KCNIP4: variants seen among roughly 807,000 people sequenced by gnomAD.
The protein encoded by KCNIP4 is potassium voltage-gated channel interacting protein 4, also known as Kv channel-interacting protein 4.
Under a neutral mutation model 34.0 loss-of-function variants are expected in KCNIP4, and 12 were observed. The observed-to-expected ratio is 0.35, with a 90% CI of 0.23 to 0.57. KCNIP4 has a LOEUF of 0.57. Ranked by LOEUF, KCNIP4 falls within the 20% of genes least tolerant of loss-of-function variation. KCNIP4 has a pLI of 0.83. For missense variants in KCNIP4, 238 were observed against 311.7 expected (o/e 0.76, Z 1.78); for synonymous variants, 124 against 102.2 (o/e 1.21, Z -1.29).
chr4:20,841,848 G>A (rs937855083), intron 3 of KCNIP4, among the ~76,000 whole-genome samples: 11 of 152,166 alleles, frequency 7.2e-5, no homozygotes, highest in Admixed American at 7.2e-4. Context: ...CCAGGTTCCA[G>A]CCACTCTTGC....
At chr4:21,681,280 T>C (rs1431806207) in intron 1 of KCNIP4, among the ~76,000 whole-genome samples, 1 of 151,978 alleles carries the variant, frequency 6.6e-6, no homozygotes, top group African/African-American at 2.4e-5. Flanking sequence ...TTAATTTTTT[T>C]TTTTTTTTTA....
intron 1 of KCNIP4, among the ~76,000 whole-genome samples, chr4:21,427,271 T>A (rs1726016094): frequency 6.6e-6 from 1 of 151,938 alleles, no homozygotes; most frequent in African/African-American, 2.4e-5. Flanking sequence ...ATTGAGCATC[T>A]ACTATGAGCC....
intron 1 of KCNIP4, among the ~76,000 whole-genome samples, chr4:21,790,529 T>C (rs901566314): frequency 1.1e-4 from 17 of 152,126 alleles, no homozygotes; most frequent in African/African-American, 3.6e-4. Context: ...CAACTTTAAA[T>C]TTTTTAAAAA....
intron 1 of KCNIP4, among the ~76,000 whole-genome samples, chr4:21,665,718 T>C (rs960408477): frequency 1.3e-5 from 2 of 152,166 alleles, no homozygotes; most frequent in Non-Finnish European, 2.9e-5. Flanking sequence ...ATGAACAAGA[T>C]AGCATATCAT....
intron 1 of KCNIP4, among the ~76,000 whole-genome samples, chr4:21,606,110 G>T (rs1387398445): frequency 6.6e-6 from 1 of 152,152 alleles, no homozygotes; most frequent in Admixed American, 6.5e-5. Context: ...GCCAGAGAAA[G>T]AATTATATTA....
At chr4:21,814,293 C>CA (rs1721838941) in intron 1 of KCNIP4, among the ~76,000 whole-genome samples, 1 of 152,118 alleles carries the variant, frequency 6.6e-6, no homozygotes, top group Admixed American at 6.6e-5. Flanking sequence ...GCTGTGTCCC[C>CA]ACCCAAATCT....
intron 1 of KCNIP4, among the ~76,000 whole-genome samples, chr4:21,279,866 T>A (rs1578011530): frequency 6.6e-6 from 1 of 152,250 alleles, no homozygotes; most frequent in East Asian, 1.9e-4. Context: ...AGCTTAAAAT[T>A]TTTTTCCATG....
chr4:21,377,371 T>A (rs138409114), intron 1 of KCNIP4, among the ~76,000 whole-genome samples: 4 of 152,266 alleles, frequency 2.6e-5, no homozygotes, highest in Admixed American at 1.3e-4. Context: ...CAAGTCCAGC[T>A]AAGACAAATA....
chr4:21,487,248 G>T (rs358580), intron 1 of KCNIP4, among the ~76,000 whole-genome samples: 72,707 of 151,850 alleles, frequency 0.48, 20,116 homozygotes, highest in African/African-American at 0.76. Context: ...TGTTTTTTGA[G>T]ACCTCATTCG....
chr4:21,191,153 T>G (rs1406925538), intron 1 of KCNIP4, among the ~76,000 whole-genome samples: 1 of 152,210 alleles, frequency 6.6e-6, no homozygotes, highest in Non-Finnish European at 1.5e-5. Flanking sequence ...CACAGAGATA[T>G]TCTCAACAAA....
chr4:21,613,224 C>T (rs1456754426), intron 1 of KCNIP4: 1 of 152,180 alleles, frequency 6.6e-6, no homozygotes, highest in African/African-American at 2.4e-5. Flanking sequence ...TTCAATAGGG[C>T]TGATATGTGT....
At chr4:21,466,283 G>A (rs12501878) in intron 1 of KCNIP4, among the ~76,000 whole-genome samples, 40,779 of 151,864 alleles carry the variant, frequency 0.27, 5,937 homozygotes, top group African/African-American at 0.37. Flanking sequence ...AGTATGCTGT[G>A]GATACATCTG....
At chr4:20,917,051 A>ATATATATATATAT (rs1728921577) in intron 1 of KCNIP4, among the ~76,000 whole-genome samples, 1 of 107,330 alleles carries the variant, frequency 9.3e-6, no homozygotes, top group Non-Finnish European at 1.8e-5. Flanking sequence ...ATATATATAT[A>ATATATATATATAT]AAATTGAGAT....
At chr4:21,739,506 G>C (rs1474200529) in intron 1 of KCNIP4, among the ~76,000 whole-genome samples, 1 of 151,860 alleles carries the variant, frequency 6.6e-6, no homozygotes, top group Non-Finnish European at 1.5e-5. Flanking sequence ...AAAATCTTGA[G>C]AAAATGACGT....
At chr4:21,147,830 T>C (rs1021502627) in intron 1 of KCNIP4, among the ~76,000 whole-genome samples, 1 of 149,964 alleles carries the variant, frequency 6.7e-6, no homozygotes, top group Admixed American at 6.7e-5. Flanking sequence ...TCCCAGCTAC[T>C]TGGGAGGCTG....
chr4:21,353,266 G>A (rs1159367056), intron 1 of KCNIP4, among the ~76,000 whole-genome samples: 1 of 152,134 alleles, frequency 6.6e-6, no homozygotes, highest in East Asian at 1.9e-4. Flanking sequence ...CTCCTCACCT[G>A]TAATGGAACA....
chr4:20,915,805 T>G (rs1728755145), intron 1 of KCNIP4, among the ~76,000 whole-genome samples: 1 of 152,182 alleles, frequency 6.6e-6, no homozygotes, highest in Non-Finnish European at 1.5e-5. Context: ...TCACTCTAAT[T>G]TTATCTTCTT....
In KCNIP4 at chr4:21,859,800, G is replaced by A. The variant is rs553291431; in HGVS notation, c.61+88771C>T. ...TCCCAGCACTTTGGGAAGCTGAGGT[G>A]AGAAGATCGCTTGAGCCCGGGAGTT... is the stretch of plus-strand genomic sequence containing the variant. On this transcript the variant is annotated intron_variant, in intron 1 of 8. Transcript: ENST00000382152. 1.1e-4 allele frequency among the ~76,000 whole-genome samples: 16 copies of A among 152,258 alleles called. No individual in the cohort carries two copies. The East Asian group carries it at 3.1e-3, about 30-fold the overall frequency.
At chr4:20,895,520 C>A (rs1726417428) in intron 1 of KCNIP4, among the ~76,000 whole-genome samples, 1 of 152,164 alleles carries the variant, frequency 6.6e-6, no homozygotes, top group Non-Finnish European at 1.5e-5. Context: ...GAAGAAATAA[C>A]ATATAATCCA....
Sources: allele counts gnomAD v4.1 joint callset (sites outside exome capture counted in the v4.1 genomes callset), GRCh38; gene constraint gnomAD v4.1.1; transcripts MANE v1.5; gene names NCBI Gene and HGNC (gene_info 2026-07-23, HGNC 2026-07-21).